Variants in CD226 observed in about 807,000 individuals in gnomAD.
The protein encoded by CD226 is CD226 antigen.
A neutral mutation model predicts 34.9 loss-of-function variants in CD226; 24 were observed. The ratio of observed to expected loss-of-function variants is 0.69; its 90% CI spans 0.50 to 0.97. The LOEUF is 0.97. Ranked by LOEUF, CD226 falls within the 50% of genes least tolerant of loss-of-function variation. The probability of loss-of-function intolerance (pLI) is 0.00; values close to 1 mark genes in which losing one functional copy is unlikely to be tolerated. For missense variants in CD226, 397 were observed against 412.7 expected, an observed-to-expected ratio of 0.96 and a Z score of 0.33; for synonymous variants, 148 against 147.4, an observed-to-expected ratio of 1.00 and a Z score of -0.03.
intron 2 of CD226, among the ~76,000 whole-genome samples, chr18:69,927,565 C>T (rs1281436416): frequency 6.6e-6 from 1 of 152,152 alleles, no homozygotes; most frequent in African/African-American, 2.4e-5. Flanking sequence ...CGACAACTAC[C>T]ATTCCACTTT....
In CD226 at chr18:69,864,275, A is replaced by C. The variant is rs1220648916; in HGVS notation, c.*39T>G. On this transcript the variant is annotated 3_prime_UTR_variant, in exon 6 of 6. Transcript: ENST00000582621. Reference sequence around the variant, plus strand: ...TGCATAAAGATCCATGCATGAGTACATAAGAGTCATTACTAATGCACTCAT... The same window carrying C: ...TGCATAAAGATCCATGCATGAGTACCTAAGAGTCATTACTAATGCACTCAT... 1 of 1,609,016 alleles carries C rather than the reference A, an allele frequency of 6.2e-7. No individual in the cohort carries two copies. Among genetic ancestry groups the C allele is most frequent in the East Asian group, 2.2e-5 (1 of 44,772 alleles).
In CD226 at chr18:69,873,217, C is replaced by A. The variant is rs1270973155; in HGVS notation, c.757G>T (p.Val253Leu). ...AACAATAAAACTGTCCCTCCAGCCA[C>A]AAAGAGGGTATATTGGTTATCGGTT... ...GKTDNQYTLF[V>L]AGGTVLLLLF... is the part of the protein sequence containing the mutation. The change falls in exon 4 of 6, where the codon GTG becomes TTG. Residue 253 changes from valine (V) to leucine (L), a missense_variant. Val to Leu is a conservative substitution (Grantham distance 32). Coordinates refer to ENST00000582621, the MANE Select transcript of CD226 (RefSeq NM_001303618.2). 6.2e-7 allele frequency: 1 copy of A among 1,606,652 alleles called. No individual in the cohort carries two copies. The highest frequency in any genetic ancestry group is 2.2e-5 in the East Asian group (1 of 44,752).
At chr18:69,893,263 C>G (rs1985012211) in intron 3 of CD226, among the ~76,000 whole-genome samples, 1 of 152,188 alleles carries the variant, frequency 6.6e-6, no homozygotes, top group Admixed American at 6.5e-5. Context: ...GACACTAACA[C>G]TACTGACCAT....
chr18:69,907,247 T>A (rs886464553), intron 2 of CD226, among the ~76,000 whole-genome samples: 1 of 152,218 alleles, frequency 6.6e-6, no homozygotes, highest in Non-Finnish European at 1.5e-5. Flanking sequence ...ATTGTAGAAC[T>A]TTACTAAATT....
chr18:69,897,241 C>T (rs558174973), intron 2 of CD226, among the ~76,000 whole-genome samples: 1 of 152,102 alleles, frequency 6.6e-6, no homozygotes, highest in African/African-American at 2.4e-5. Context: ...ATATAGCGTA[C>T]ATAAACAAAC....
At chr18:69,937,309 G>C (rs1271584203) in intron 2 of CD226, among the ~76,000 whole-genome samples, 3 of 152,064 alleles carry the variant, frequency 2.0e-5, no homozygotes, top group Non-Finnish European at 4.4e-5. Flanking sequence ...GGTTACACTG[G>C]AGCCTACTAT....
intron 2 of CD226, among the ~76,000 whole-genome samples, chr18:69,943,879 A>C (rs1263303891): frequency 2.0e-5 from 3 of 152,166 alleles, no homozygotes; most frequent in African/African-American, 7.2e-5. Context: ...AATAGCAAAA[A>C]ATCAACATAT....
intron 3 of CD226, among the ~76,000 whole-genome samples, chr18:69,891,313 T>C (rs564483942): frequency 6.6e-6 from 1 of 151,006 alleles, no homozygotes; most frequent in East Asian, 1.9e-4. Flanking sequence ...CTCAACAAAT[T>C]AGGTACAGAA....
Position 69,855,864 on chromosome 18 carries a change from G to C in CD226, c.*8450C>G, listed in dbSNP as rs796397568. Reference sequence around the variant, plus strand: ...TAAATGTACCAATTAGAAGTGGTGGGTTTAAACACACAAAAAAGATGAATG... The same window carrying C: ...TAAATGTACCAATTAGAAGTGGTGGCTTTAAACACACAAAAAAGATGAATG... On this transcript the variant is annotated 3_prime_UTR_variant, in exon 6 of 6. Transcript: ENST00000582621. The C allele has an allele frequency of 4.6e-5, 7 of 152,040 alleles. No homozygotes were observed. The highest frequency in any genetic ancestry group is 1.7e-4 in the African/African-American group (7 of 41,406). The allele number at this position is 152,040 out of a possible 1,614,324, so 9.4% of individuals were successfully genotyped here. A position where few individuals can be genotyped will look rare whatever the true frequency, so the allele number is the denominator to read the frequency against.
intron 2 of CD226, among the ~76,000 whole-genome samples, chr18:69,916,953 C>A (rs1387172096): frequency 6.6e-6 from 1 of 152,166 alleles, no homozygotes; most frequent in Non-Finnish European, 1.5e-5. Flanking sequence ...AGCTTCACTC[C>A]TTCCTTTGTG....
chr18:69,904,729 G>A (rs1349483299), intron 2 of CD226, among the ~76,000 whole-genome samples: 1 of 152,158 alleles, frequency 6.6e-6, no homozygotes, highest in Non-Finnish European at 1.5e-5. Flanking sequence ...AATATAGGTA[G>A]TACATCTCTG....
upstream of CD226, among the ~76,000 whole-genome samples, chr18:69,958,218 C>A (rs556847846): frequency 6.6e-6 from 1 of 152,328 alleles, no homozygotes; most frequent in East Asian, 1.9e-4. Flanking sequence ...CTGACAGGCA[C>A]TTCCAGGCCC....
chr18:69,901,535 A>G (rs1024419222), intron 2 of CD226, among the ~76,000 whole-genome samples: 1 of 152,134 alleles, frequency 6.6e-6, no homozygotes, highest in Non-Finnish European at 1.5e-5. Context: ...TGATTATGCT[A>G]TTCTTTCTAT....
rs1194384749 is a variant in CD226, at chr18:69,921,970, A to C, written c.382+24764T>G. 2.6e-5 allele frequency among the ~76,000 whole-genome samples: 4 copies of C among 152,172 alleles called. No homozygotes were observed. The East Asian group carries it at 7.7e-4, about 29-fold the overall frequency. On this transcript the variant is annotated intron_variant, in intron 2 of 5. Coordinates refer to ENST00000582621, the MANE Select transcript of CD226 (RefSeq NM_001303618.2). ...TTTGGAAAACTCCACTTGAGGAAGT[A>C]CCAAGAATCTTCACTGTTTTAGGGA...
intron 2 of CD226, among the ~76,000 whole-genome samples, chr18:69,919,851 A>C (rs928270726): frequency 2.6e-5 from 4 of 151,852 alleles, no homozygotes; most frequent in African/African-American, 9.7e-5. Flanking sequence ...TTATCCTCTT[A>C]CTTTCATCTA....
At chr18:69,950,759 A>G (rs2055845972), upstream of CD226, among the ~76,000 whole-genome samples, 1 of 152,124 alleles carries the variant, frequency 6.6e-6, no homozygotes, top group Non-Finnish European at 1.5e-5. Context: ...TTTGCCTTAT[A>G]TACTTCCTGG....
upstream of CD226, among the ~76,000 whole-genome samples, chr18:69,949,882 TCTCA>T (rs1433747973): frequency 3.3e-5 from 5 of 150,224 alleles, no homozygotes; most frequent in East Asian, 4.0e-4. Context: ...ATGCACACTG[TCTCA>T]CTCTATCTCA....
intron 3 of CD226, among the ~76,000 whole-genome samples, chr18:69,877,804 A>G (rs2145201294): frequency 6.6e-6 from 1 of 152,372 alleles, no homozygotes; most frequent in East Asian, 1.9e-4. Context: ...AGTCCTAGAC[A>G]ATTTAAAAAT....
intron 3 of CD226, among the ~76,000 whole-genome samples, chr18:69,889,654 TC>T (rs1984769304): frequency 2.0e-5 from 3 of 152,292 alleles, no homozygotes; most frequent in Admixed American, 2.0e-4. Flanking sequence ...GCACAGAGTC[TC>T]AAAGTCAGTA....
Sources: gnomAD v4.1 joint callset for allele counts (sites outside exome capture counted in the v4.1 genomes callset) on GRCh38, gnomAD v4.1.1 for gene constraint, MANE v1.5 for transcripts, NCBI Gene and HGNC (gene_info 2026-07-23, HGNC 2026-07-21) for gene names.